The following SRPK2 variants were observed in gnomAD, a reference collection of about 807,000 sequenced individuals.
The protein encoded by SRPK2 is SFRS protein kinase 2.
In SRPK2, 21 loss-of-function variants were observed where a neutral mutation model predicts 90.8. That is an observed-to-expected ratio of 0.23 (90% CI 0.16 to 0.33). The LOEUF (loss-of-function observed/expected upper bound fraction) is 0.33, where lower values mean the gene tolerates loss of function less well. Ranked by LOEUF, SRPK2 falls within the 10% of genes least tolerant of loss-of-function variation. The probability of loss-of-function intolerance (pLI) is 1.00; values close to 1 mark genes in which losing one functional copy is unlikely to be tolerated. For missense variants in SRPK2, 620 were observed against 869.0 expected (o/e 0.71, Z 3.60); for synonymous variants, 288 against 311.1 (o/e 0.93, Z 0.78).
chr7:105,145,074 T>C (rs1292636138), intron 9 of SRPK2, among the ~76,000 whole-genome samples: 4 of 134,600 alleles, frequency 3.0e-5, no homozygotes, highest in African/African-American at 1.2e-4. Context: ...CCACTTGCAC[T>C]CCAGCCTGAG....
intron 2 of SRPK2, among the ~76,000 whole-genome samples, chr7:105,365,312 C>T (rs959354385): frequency 6.6e-6 from 1 of 151,538 alleles, no homozygotes; most frequent in Admixed American, 6.6e-5. Context: ...TTGTGAAACC[C>T]GATCTCTACT....
intron 2 of SRPK2, among the ~76,000 whole-genome samples, chr7:105,377,698 T>A (rs1040711974): frequency 1.3e-4 from 20 of 151,442 alleles, no homozygotes; most frequent in African/African-American, 4.4e-4. Context: ...AGACCCCGTA[T>A]CAAAAAAAAG....
At chr7:105,136,772 A>G (rs1802871108) in intron 11 of SRPK2, among the ~76,000 whole-genome samples, 1 of 152,208 alleles carries the variant, frequency 6.6e-6, no homozygotes, top group Non-Finnish European at 1.5e-5. Flanking sequence ...GAGGAGGTTC[A>G]CTATGAGGCC....
intron 2 of SRPK2, among the ~76,000 whole-genome samples, chr7:105,346,281 C>T (rs1467542026): frequency 6.6e-6 from 1 of 152,170 alleles, no homozygotes. Context: ...ACTGCATTCA[C>T]AACTGCAGTA....
chr7:105,388,272 C>T (rs939443030), intron 2 of SRPK2, among the ~76,000 whole-genome samples: 1 of 151,734 alleles, frequency 6.6e-6, no homozygotes, highest in Non-Finnish European at 1.5e-5. Flanking sequence ...CGGGCCGGAG[C>T]CCAGCGGCAG....
chr7:105,390,298 C>T (rs1822123566), upstream of SRPK2, among the ~76,000 whole-genome samples: 1 of 152,112 alleles, frequency 6.6e-6, no homozygotes, highest in Admixed American at 6.6e-5. Context: ...CCAGTAATAT[C>T]CCTTGTCGCT....
chr7:105,363,083 T>G (rs984348342), intron 2 of SRPK2, among the ~76,000 whole-genome samples: 1 of 152,060 alleles, frequency 6.6e-6, no homozygotes, highest in South Asian at 2.1e-4. Flanking sequence ...ATATACTTAA[T>G]GTAAATGATG....
intron 7 of SRPK2, among the ~76,000 whole-genome samples, chr7:105,158,783 T>C (rs1806950741): frequency 6.6e-6 from 1 of 151,836 alleles, no homozygotes; most frequent in Non-Finnish European, 1.5e-5. Flanking sequence ...GTTTTAACAA[T>C]ATGGTTTTAT....
chr7:105,218,644 G>A (rs953021501), intron 2 of SRPK2, among the ~76,000 whole-genome samples: 1 of 152,196 alleles, frequency 6.6e-6, no homozygotes, highest in Non-Finnish European at 1.5e-5. Context: ...TTCCTAAGAA[G>A]TTACTGCATG....
intron 2 of SRPK2, among the ~76,000 whole-genome samples, chr7:105,246,275 T>C (rs1323063600): frequency 6.6e-6 from 1 of 152,124 alleles, no homozygotes; most frequent in Non-Finnish European, 1.5e-5. Flanking sequence ...AAAAGGAATA[T>C]TTATTCCCTC....
At position 105,170,896 on chromosome 7, in the gene SRPK2, AAAGAAAGAAAGAAAGAAAGG is replaced by A. The variant is rs1221506367; in HGVS notation, c.230-1651_230-1632del. On this transcript the variant is annotated intron_variant, in intron 3 of 15. Coordinates refer to ENST00000393651, the MANE Select transcript of SRPK2 (RefSeq NM_182692.3). ...GAAAGAAAGAAAGAAAGAAAGAAAG[AAAGAAAGAAAGAAAGAAAGG>A]AGAAAGAAAAAGAAAAAGGAAAGAA... is the stretch of plus-strand genomic sequence containing the variant. 9.0e-4 allele frequency among the ~76,000 whole-genome samples: 96 copies of A among 106,196 alleles called. 2 individuals carry two copies. The highest frequency in any genetic ancestry group is 3.3e-3 in the African/African-American group (93 of 28,366). The allele number at this position is 106,196 out of a possible 152,430, so 69.7% of individuals were successfully genotyped here. A position where few individuals can be genotyped will look rare whatever the true frequency, so the allele number is the denominator to read the frequency against.
intron 2 of SRPK2, among the ~76,000 whole-genome samples, chr7:105,264,340 A>T (rs1178717149): frequency 6.6e-6 from 1 of 152,216 alleles, no homozygotes; most frequent in Non-Finnish European, 1.5e-5. Flanking sequence ...AAATAAGAAG[A>T]GAACAATTAA....
intron 2 of SRPK2, among the ~76,000 whole-genome samples, chr7:105,270,566 C>T (rs1805704151): frequency 6.6e-6 from 1 of 152,090 alleles, no homozygotes; most frequent in South Asian, 2.1e-4. Context: ...CGCCACCATA[C>T]CCAGCTAATT....
At chr7:105,227,893 C>CAAAAAAAAAAAAAAAAAA (rs566478716) in intron 2 of SRPK2, among the ~76,000 whole-genome samples, 1 of 84,692 alleles carries the variant, frequency 1.2e-5, no homozygotes, top group Non-Finnish European at 2.5e-5. Flanking sequence ...TATCATTCAG[C>CAAAAAAAAAAAAAAAAAA]AAAAAAAAAA....
intron 7 of SRPK2, among the ~76,000 whole-genome samples, chr7:105,159,302 A>G (rs1807053443): frequency 6.6e-6 from 1 of 151,916 alleles, no homozygotes; most frequent in Admixed American, 6.6e-5. Flanking sequence ...CCTGGGCAAC[A>G]CGGTGAAACC....
chr7:105,176,583 GTATA>G (rs36021270), intron 3 of SRPK2, among the ~76,000 whole-genome samples: 2 of 134,486 alleles, frequency 1.5e-5, no homozygotes, highest in Non-Finnish European at 3.1e-5. Context: ...GTGTGTGTAT[GTATA>G]TATGTGTGTG....
In SRPK2 at chr7:105,153,268, G is replaced by A. The variant is rs1427687963; in HGVS notation, c.622-6610C>T. ...GAAAAGAAGGCTAAGTCTAGGGCTG[G>A]GAGCTAGAAGCCCCGAGTCCCATTC... On this transcript the variant is annotated intron_variant, in intron 7 of 15. Transcript: ENST00000393651. Among the ~76,000 whole-genome samples the A allele has an allele frequency of 4.6e-5, 7 of 152,184 alleles. No individual in the cohort carries two copies. The South Asian group carries it at 6.2e-4, about 13-fold the overall frequency.
chr7:105,171,065 A>G (rs554672097), intron 3 of SRPK2, among the ~76,000 whole-genome samples: 10 of 151,596 alleles, frequency 6.6e-5, no homozygotes, highest in African/African-American at 2.4e-4. Context: ...AAGAAAAAAG[A>G]AAAGAAAGAA....
intron 7 of SRPK2, among the ~76,000 whole-genome samples, chr7:105,155,207 C>G (rs1328126821): frequency 6.6e-6 from 1 of 152,084 alleles, no homozygotes; most frequent in Non-Finnish European, 1.5e-5. Context: ...GTCTTGAACT[C>G]CTGACTTCAG....
Sources: gnomAD v4.1 joint callset for allele counts (sites outside exome capture counted in the v4.1 genomes callset) on GRCh38, gnomAD v4.1.1 for gene constraint, MANE v1.5 for transcripts, NCBI Gene and HGNC (gene_info 2026-07-23, HGNC 2026-07-21) for gene names.